CSMD2: variants seen among roughly 807,000 people sequenced by gnomAD.
The protein encoded by CSMD2 is CUB and sushi domain-containing protein 2.
CSMD2 carries 130 observed loss-of-function variants against 398.5 expected under a neutral mutation model. The observed-to-expected ratio is 0.33, with a 90% CI of 0.28 to 0.38. The LOEUF (loss-of-function observed/expected upper bound fraction) is 0.38, where lower values mean the gene tolerates loss of function less well. CSMD2 is among the 10% of genes least tolerant of loss of function. CSMD2 has a pLI of 1.00. For synonymous variants in CSMD2, 1,828 were observed against 1,908.5 expected (o/e 0.96, Z 1.10); for missense variants, 3,829 against 4,764.9 (o/e 0.80, Z 5.78).
At chr1:33,734,383 G>A (rs1646816531) in intron 15 of CSMD2, among the ~76,000 whole-genome samples, 1 of 152,144 alleles carries the variant, frequency 6.6e-6, no homozygotes, top group Non-Finnish European at 1.5e-5. Flanking sequence ...ATTTGACAGA[G>A]TCTAGCTCTG....
intron 6 of CSMD2, among the ~76,000 whole-genome samples, chr1:33,829,915 C>T (rs1247722154): frequency 6.6e-6 from 1 of 152,212 alleles, no homozygotes; most frequent in Admixed American, 6.5e-5. Flanking sequence ...GCTAGCACAG[C>T]AGTCTGAGAT....
At chr1:33,782,760 G>T (rs559294563) in intron 12 of CSMD2, among the ~76,000 whole-genome samples, 3 of 152,322 alleles carry the variant, frequency 2.0e-5, no homozygotes, top group East Asian at 3.8e-4. Context: ...GGACTGCAGA[G>T]ATTTTTGTCT....
At chr1:33,948,548 CAT>C (rs1234542516) in intron 3 of CSMD2, among the ~76,000 whole-genome samples, 4 of 152,232 alleles carry the variant, frequency 2.6e-5, no homozygotes, top group African/African-American at 7.2e-5. Context: ...CATTCACACA[CAT>C]GACAATGGAT....
chr1:34,156,893 AAG>A (rs1301479112), intron 1 of CSMD2, among the ~76,000 whole-genome samples: 1 of 152,228 alleles, frequency 6.6e-6, no homozygotes, highest in Non-Finnish European at 1.5e-5. Context: ...GGTGGAAAGT[AAG>A]AGAGTCTCTA....
chr1:34,111,389 C>G (rs983982779), intron 1 of CSMD2, among the ~76,000 whole-genome samples: 1 of 152,190 alleles, frequency 6.6e-6, no homozygotes, highest in African/African-American at 2.4e-5. Flanking sequence ...ATCTCCCCAC[C>G]AGACTGAGTT....
At chr1:34,004,087 C>T (rs796297150) in intron 3 of CSMD2, among the ~76,000 whole-genome samples, 1 of 152,202 alleles carries the variant, frequency 6.6e-6, no homozygotes, top group East Asian at 1.9e-4. Flanking sequence ...AACCTGAGTA[C>T]AGCCAAAAAC....
At chr1:34,141,436 C>T (rs113018836) in intron 1 of CSMD2, among the ~76,000 whole-genome samples, 61 of 152,152 alleles carry the variant, frequency 4.0e-4, no homozygotes, top group African/African-American at 1.4e-3. Context: ...GCAGGGTAAG[C>T]GAAGGAAGGG....
In CSMD2 at chr1:33,533,496, T is replaced by A. The variant is rs1036174090; in HGVS notation, c.9992-267A>T. Among the ~76,000 whole-genome samples, 5 of 151,792 alleles carry A rather than the reference T, an allele frequency of 3.3e-5. No individual in the cohort carries two copies. The highest frequency in any genetic ancestry group is 1.2e-4 in the African/African-American group (5 of 41,298). ...CAGCACTTCCTGAGGGGTAAAGGAG[T>A]AACTGGGTCAAAAGCTTGATATCTC... On this transcript the variant is annotated intron_variant, in intron 63 of 70. Coordinates refer to ENST00000373381, the MANE Select transcript of CSMD2 (RefSeq NM_001281956.2). This position sits in a 1 kb window ranked among gnomAD's most constrained non-coding sequence, Gnocchi z 4.2.
intron 9 of CSMD2, among the ~76,000 whole-genome samples, chr1:33,816,589 A>G (rs867090914): frequency 6.6e-6 from 1 of 152,194 alleles, no homozygotes; most frequent in African/African-American, 2.4e-5. Flanking sequence ...GAAAAGCTCT[A>G]TATCTATGGA....
At chr1:34,142,879 G>C (rs1179928334) in intron 1 of CSMD2, among the ~76,000 whole-genome samples, 3 of 152,192 alleles carry the variant, frequency 2.0e-5, no homozygotes, top group African/African-American at 7.2e-5. Flanking sequence ...GATATTATCA[G>C]TGCTATTATT....
intron 27 of CSMD2, among the ~76,000 whole-genome samples, chr1:33,657,534 A>AG (rs1454594019): frequency 6.6e-6 from 1 of 152,202 alleles, no homozygotes; most frequent in African/African-American, 2.4e-5. Flanking sequence ...AGCAAAAGCA[A>AG]GGTTCTTTTC....
At position 33,930,474 on chromosome 1, in the gene CSMD2, C is replaced by T. The variant is rs536878725; in HGVS notation, c.712+5286G>A. Among the ~76,000 whole-genome samples the T allele has an allele frequency of 2.6e-5, 4 of 152,306 alleles. No homozygotes were observed. In the East Asian group the frequency reaches 5.8e-4, roughly 22 times the overall value. On this transcript the variant is annotated intron_variant, in intron 4 of 70. Transcript: ENST00000373381. ...GCTTGCAGTCCAAGCTTCTGCAGACCGTATTCCGTCTTCCCCAGGTATGGT... is the reference window on the plus strand; with the variant it reads ...GCTTGCAGTCCAAGCTTCTGCAGACTGTATTCCGTCTTCCCCAGGTATGGT...
In CSMD2 at chr1:33,533,031, C is replaced by T. The variant is rs371916613; in HGVS notation, c.10171+19G>A. ...TCAGCCTCCCGCCCTGGAGAGCTTC[C>T]CCGAGCAGGCACACTCACCCAGGCA... On this transcript the variant is annotated intron_variant, in intron 64 of 70. Transcript: ENST00000373381. The surrounding 1 kb of genome is among the most constrained non-coding windows in gnomAD (Gnocchi z 4.2). The T allele has an allele frequency of 2.5e-6, 4 of 1,588,104 alleles. No individual in the cohort carries two copies. Among genetic ancestry groups the T allele is most frequent in the East Asian group, 2.3e-5 (1 of 44,284 alleles).
chr1:33,809,492 A>C (rs1656608533), intron 10 of CSMD2, among the ~76,000 whole-genome samples: 1 of 152,084 alleles, frequency 6.6e-6, no homozygotes, highest in Non-Finnish European at 1.5e-5. Flanking sequence ...AACTACGATT[A>C]GGAAGTAAAT....
At chr1:33,959,994 CAA>C (rs1645298709) in intron 3 of CSMD2, among the ~76,000 whole-genome samples, 3 of 152,222 alleles carry the variant, frequency 2.0e-5, no homozygotes, top group Non-Finnish European at 4.4e-5. Context: ...CTTTGTCTGG[CAA>C]CTTGACTTTC....
chr1:33,825,177 C>T (rs1357138567), intron 7 of CSMD2, among the ~76,000 whole-genome samples: 6 of 152,122 alleles, frequency 3.9e-5, no homozygotes, highest in African/African-American at 4.8e-5. Flanking sequence ...CCCATTGACC[C>T]GAGGCAGGAC....
chr1:33,897,000 C>T (rs180676812), intron 5 of CSMD2, among the ~76,000 whole-genome samples: 1 of 151,636 alleles, frequency 6.6e-6, no homozygotes, highest in African/African-American at 2.4e-5. Flanking sequence ...GTCACAGAGG[C>T]CGTGGTGGAG....
At chr1:33,899,533 T>G (rs1385095040) in intron 5 of CSMD2, among the ~76,000 whole-genome samples, 1 of 151,994 alleles carries the variant, frequency 6.6e-6, no homozygotes, top group Non-Finnish European at 1.5e-5. Flanking sequence ...TGTAGACTCC[T>G]GGCATGTCGT....
At position 33,587,064 on chromosome 1, in the gene CSMD2, C is replaced by T. The variant is rs1321546848; in HGVS notation, c.6937+24G>A. On this transcript the variant is annotated intron_variant, in intron 45 of 70. Transcript: ENST00000373381. The stretch of plus-strand genomic sequence containing the variant: ...CCTTCCCCAGTCCTGGGTTCACAGT[C>T]CTTGCTGGCTTGGGAGGTGGTACCT... 3 of 1,570,676 alleles carry T rather than the reference C, an allele frequency of 1.9e-6. No homozygotes were observed. The South Asian group carries it at 3.5e-5, about 18-fold the overall frequency.
Sources: gnomAD v4.1 joint callset for allele counts (sites outside exome capture counted in the v4.1 genomes callset) on GRCh38, gnomAD v4.1.1 for gene constraint, Gnocchi (gnomAD v3.1) non-coding constraint, MANE v1.5 for transcripts, NCBI Gene and HGNC (gene_info 2026-07-23, HGNC 2026-07-21) for gene names.